Variants in IGLL5 observed in about 807,000 individuals in gnomAD.
IGLL5 encodes the protein immunoglobulin lambda-like polypeptide 5.
In IGLL5, 30 loss-of-function variants were observed where a neutral mutation model predicts 20.9. The observed-to-expected ratio is 1.44, with a 90% CI of 1.07 to 1.95. The LOEUF (loss-of-function observed/expected upper bound fraction) is 1.95, where lower values mean the gene tolerates loss of function less well. Among genes scored for constraint, IGLL5 ranks in the 30% most tolerant of loss-of-function variants. The pLI is 0.00. For synonymous variants in IGLL5, 203 were observed against 117.3 expected (o/e 1.73, Z -4.72); for missense variants, 475 against 270.7 (o/e 1.75, Z -5.30).
intron 1 of IGLL5, among the ~76,000 whole-genome samples, chr22:22,888,955 A>G (rs1313097954): frequency 6.6e-6 from 1 of 151,404 alleles, no homozygotes; most frequent in South Asian, 2.1e-4. Context: ...GAGCAGCGTC[A>G]GAGGAGAGGA....
chr22:22,895,624 G>A lies in IGLL5; in HGVS notation c.575G>A (p.Ser192Asn), dbSNP rs11558639. 1.9e-6 allele frequency: 3 copies of A among 1,613,228 alleles called. No individual in the cohort carries two copies. Among genetic ancestry groups the A allele is most frequent in the Non-Finnish European group, 2.5e-6 (3 of 1,179,778 alleles). Residue 192 changes from serine to asparagine, a missense_variant, in exon 3 of 3, where the codon AGC becomes AAC. Transcript: ENST00000526893. The part of the protein sequence containing the change: ...LTPEQWKSHR[S>N]YSCQVTHEGS... ...CCCGAGCAGTGGAAGTCCCACAGAA[G>A]CTACAGCTGCCAGGTCACGCATGAA...
intron 1 of IGLL5, among the ~76,000 whole-genome samples, chr22:22,888,621 C>G (rs975810680): frequency 6.6e-6 from 1 of 151,314 alleles, no homozygotes; most frequent in African/African-American, 2.4e-5. Context: ...GGTGCCCAGG[C>G]CTGTTCCTCC....
At chr22:22,888,328 A>T (rs2067582570) in intron 1 of IGLL5, 69 bp downstream of exon 1, 3 of 1,445,824 alleles carry the variant, frequency 2.1e-6, no homozygotes, top group Non-Finnish European at 1.9e-6. Flanking sequence ...GACCAAGGGG[A>T]GACAAGCCAG....
chr22:22,889,473 A>T (rs144895318), intron 1 of IGLL5, among the ~76,000 whole-genome samples: 1 of 151,388 alleles, frequency 6.6e-6, no homozygotes, highest in Non-Finnish European at 1.5e-5. Context: ...CAAAGCTGTA[A>T]CCAAATCTTT....
intron 2 of IGLL5, among the ~76,000 whole-genome samples, chr22:22,894,607 G>A (rs533123914): frequency 6.6e-6 from 1 of 151,396 alleles, no homozygotes; most frequent in South Asian, 2.1e-4. Context: ...CCAGAGGGGA[G>A]TGAATGAGGG....
At chr22:22,894,017 T>A (rs577903429) in intron 2 of IGLL5, among the ~76,000 whole-genome samples, 199 bp downstream of exon 2, 7 of 151,536 alleles carry the variant, frequency 4.6e-5, no homozygotes, top group East Asian at 2.0e-4. Flanking sequence ...AGCAGCCGGA[T>A]GCAGCCTGGT....
At position 22,894,639 on chromosome 22, in the gene IGLL5, C is replaced by T. The variant is rs145865501; in HGVS notation, c.326-736C>T. ...AGGGGTGCAGAGAACTCCATGGCTA[C>T]CAGGTGAAGTTTGGGGTCATCACAG... On this transcript the variant is annotated intron_variant, in intron 2 of 2. Coordinates refer to ENST00000526893, the MANE Select transcript of IGLL5 (RefSeq NM_001178126.2). 3.3e-5 allele frequency among the ~76,000 whole-genome samples: 5 copies of T among 150,536 alleles called. 1 individual carries two copies. The highest frequency in any genetic ancestry group is 2.1e-4 in the South Asian group (1 of 4,696).
Position 22,893,823 on chromosome 22 carries a change from G to A in IGLL5, c.325+5G>A, listed in dbSNP as rs756960249. ...GGACCAAGGTCACCGTCCTAGGTAA[G>A]TGGCTCTCAACCTTTCCCAGCCTGT... is the stretch of plus-strand genomic sequence containing the variant. On this transcript the variant is annotated splice_donor_5th_base_variant and intron_variant, in intron 2 of 2. Transcript: ENST00000526893. The A allele has an allele frequency of 3.8e-6, 6 of 1,588,044 alleles. 1 individual carries two copies. Among genetic ancestry groups the A allele is most frequent in the African/African-American group, 1.3e-5 (1 of 74,288 alleles).
In IGLL5 at chr22:22,896,064, C is replaced by G; in HGVS notation, c.*370C>G. On this transcript the variant is annotated 3_prime_UTR_variant, in exon 3 of 3. Transcript: ENST00000526893. ...GGCATCAGTTCAGACCAGTCCCACA[C>G]CCTCCTAAATTTTACTTCTCAATAA... is the stretch of plus-strand genomic sequence containing the variant. 2 of 417,788 alleles carry G rather than the reference C, an allele frequency of 4.8e-6. No individual in the cohort carries two copies. Among genetic ancestry groups the G allele is most frequent in the South Asian group, 4.9e-5 (2 of 40,520 alleles). The allele number at this position is 417,788 out of a possible 1,614,324, so 25.9% of individuals were successfully genotyped here. A position where few individuals can be genotyped will look rare whatever the true frequency, so the allele number is the denominator to read the frequency against.
intron 1 of IGLL5, among the ~76,000 whole-genome samples, chr22:22,889,518 T>C (rs1269715351): frequency 1.3e-5 from 2 of 151,312 alleles, no homozygotes; most frequent in Admixed American, 6.6e-5. Context: ...TTATTAGTGA[T>C]GGGAGAAAAC....
At chr22:22,888,334 G>A (rs571776312) in intron 1 of IGLL5, 75 bp downstream of exon 1, 10 of 1,402,666 alleles carry the variant, frequency 7.1e-6, no homozygotes, top group South Asian at 2.5e-5. Context: ...GGGGAGACAA[G>A]CCAGAGGAGT....
intron 1 of IGLL5, among the ~76,000 whole-genome samples, chr22:22,888,701 A>G (rs535172103): frequency 4.0e-5 from 6 of 151,278 alleles, no homozygotes; most frequent in South Asian, 2.1e-4. Context: ...GAAGGCAGCA[A>G]GGGCTTGGTT....
At chr22:22,888,842 G>A (rs573077058) in intron 1 of IGLL5, among the ~76,000 whole-genome samples, 3 of 151,426 alleles carry the variant, frequency 2.0e-5, no homozygotes, top group South Asian at 2.1e-4. Flanking sequence ...CACGGCCCAT[G>A]TTTGGAGCAA....
At chr22:22,889,066 T>A (rs1181187957) in intron 1 of IGLL5, among the ~76,000 whole-genome samples, 2 of 151,222 alleles carry the variant, frequency 1.3e-5, no homozygotes, top group African/African-American at 4.8e-5. Context: ...AGTCCTTGGA[T>A]GGATTTAGGT....
chr22:22,893,269 G>A (rs1384532720), intron 1 of IGLL5, among the ~76,000 whole-genome samples: 1 of 151,174 alleles, frequency 6.6e-6, no homozygotes, highest in African/African-American at 2.4e-5. Flanking sequence ...AAGTGGGACT[G>A]AACCGCGTCT....
chr22:22,890,726 C>T lies in IGLL5; in HGVS notation c.206+2467C>T, dbSNP rs2067817250. 2.7e-5 allele frequency among the ~76,000 whole-genome samples: 4 copies of T among 150,810 alleles called. No individual in the cohort carries two copies. The Admixed American group carries it at 2.7e-4, about 10-fold the overall frequency. ...TTCCAAAAGTCTGTGTCCACTCACTCCGGTGAATGGTAGTGCCTTCGCTCC... is the reference window on the plus strand; with the variant it reads ...TTCCAAAAGTCTGTGTCCACTCACTTCGGTGAATGGTAGTGCCTTCGCTCC... On this transcript the variant is annotated intron_variant, in intron 1 of 2. Transcript: ENST00000526893.
At chr22:22,894,340 CAG>C (rs2068019343) in intron 2 of IGLL5, among the ~76,000 whole-genome samples, 1 of 151,340 alleles carries the variant, frequency 6.6e-6, no homozygotes, top group African/African-American at 2.4e-5. Context: ...ATGGAGGGCA[CAG>C]AGAGGGCTCT....
intron 1 of IGLL5, among the ~76,000 whole-genome samples, chr22:22,888,639 C>A (rs1601602694): frequency 6.6e-6 from 1 of 151,282 alleles, no homozygotes; most frequent in Middle Eastern, 3.8e-3. Context: ...TCCCCCTCCT[C>A]CTCTCTGCCC....
rs1182379278 is a variant in IGLL5, at chr22:22,895,849, A to AT, written c.*163dup. 6.3e-5 allele frequency: 49 copies of AT among 776,346 alleles called. No individual in the cohort carries two copies. The highest frequency in any genetic ancestry group is 1.2e-4 in the South Asian group (7 of 59,916). The allele number at this position is 776,346 out of a possible 1,614,324, so 48.1% of individuals were successfully genotyped here. A position where few individuals can be genotyped will look rare whatever the true frequency, so the allele number is the denominator to read the frequency against. ...ACAACCAGAAATCTTGTTTTATCTC[A>AT]TTTTTTTTCTCACATAAATTGCTAG... is the stretch of plus-strand genomic sequence containing the variant. On this transcript the variant is annotated 3_prime_UTR_variant, in exon 3 of 3. Transcript: ENST00000526893.
Sources: gnomAD v4.1 joint callset for allele counts (sites outside exome capture counted in the v4.1 genomes callset) on GRCh38, gnomAD v4.1.1 for gene constraint, MANE v1.5 for transcripts, NCBI Gene and HGNC (gene_info 2026-07-23, HGNC 2026-07-21) for gene names.